Variants in RAD50 observed in about 807,000 individuals in gnomAD.
RAD50 encodes RAD50 double strand break repair protein.
RAD50 carries 132 observed loss-of-function variants against 168.8 expected under a neutral mutation model. The observed-to-expected ratio is 0.78, with a 90% confidence interval of 0.68 to 0.90. The LOEUF (loss-of-function observed/expected upper bound fraction) is 0.90. Ranked by LOEUF, RAD50 falls within the 40% of genes least tolerant of loss-of-function variation. The pLI, the probability that RAD50 is intolerant of heterozygous loss-of-function variation, is 0.00. For synonymous variants in RAD50, 525 were observed against 497.4 expected (o/e 1.06, Z -0.74); for missense variants, 1,347 against 1,534.4 (o/e 0.88, Z 2.04).
chr5:132,619,836 C>CTCTCTCTCTCTA (rs1257882764), intron 21 of RAD50, among the ~76,000 whole-genome samples: 6 of 114,412 alleles, frequency 5.2e-5, no homozygotes, highest in African/African-American at 2.4e-4. Context: ...CTCTCTCTCT[C>CTCTCTCTCTCTA]TATATATATA....
At chr5:132,631,463 C>T (rs768271177) in intron 21 of RAD50, among the ~76,000 whole-genome samples, 4 of 152,076 alleles carry the variant, frequency 2.6e-5, no homozygotes, top group Admixed American at 6.6e-5. Context: ...CATACTACTT[C>T]GCATGAGTTA....
At chr5:132,571,229 C>G (rs552969189) in intron 2 of RAD50, among the ~76,000 whole-genome samples, 2 of 152,064 alleles carry the variant, frequency 1.3e-5, no homozygotes, top group Admixed American at 1.3e-4. Context: ...GACACAGAGA[C>G]ACAAAGTGAG....
intron 15 of RAD50, 120 bp from the exon 16 acceptor site, chr5:132,604,686 G>T (rs1157658235): frequency 4.7e-6 from 4 of 843,812 alleles, no homozygotes; most frequent in Middle Eastern, 3.4e-4. Context: ...TGTTGCAGTG[G>T]GTGGGGCCCA....
At chr5:132,588,639 T>A in intron 7 of RAD50, 48 bp from the exon 8 acceptor site, 2 of 1,542,600 alleles carry the variant, frequency 1.3e-6, no homozygotes, top group Non-Finnish European at 1.8e-6. Context: ...TATCTCAACT[T>A]TTTAAGCACC....
At chr5:132,602,405 A>G (rs1261877840) in intron 13 of RAD50, among the ~76,000 whole-genome samples, 1 of 152,122 alleles carries the variant, frequency 6.6e-6, no homozygotes, top group African/African-American at 2.4e-5. Context: ...TTATTGTTTC[A>G]GAGGCATCAG....
chr5:132,629,959 C>G (rs1015670319), intron 21 of RAD50, among the ~76,000 whole-genome samples: 3 of 152,090 alleles, frequency 2.0e-5, no homozygotes, highest in Non-Finnish European at 4.4e-5. Flanking sequence ...GAATATATCA[C>G]TCAAGATATG....
intron 21 of RAD50, among the ~76,000 whole-genome samples, chr5:132,633,556 A>AT (rs1273908121): frequency 6.7e-6 from 1 of 150,316 alleles, no homozygotes; most frequent in South Asian, 2.1e-4. Context: ...TGATTGTTTT[A>AT]TTTTACCTTA....
At chr5:132,560,944 C>T (rs921718445) in intron 2 of RAD50, among the ~76,000 whole-genome samples, 2 of 152,156 alleles carry the variant, frequency 1.3e-5, no homozygotes, top group African/African-American at 4.8e-5. Flanking sequence ...CCATTTTTCC[C>T]TCAATCTACT....
intron 19 of RAD50, among the ~76,000 whole-genome samples, chr5:132,611,480 C>T (rs1751084959): frequency 6.6e-6 from 1 of 151,846 alleles, no homozygotes; most frequent in South Asian, 2.1e-4. Context: ...CCAAGGCGGG[C>T]AGATCACGAG....
chr5:132,557,191 G>T lies in RAD50; in HGVS notation c.-134G>T. The T allele has an allele frequency of 8.0e-7, 1 of 1,253,756 alleles. No individual in the cohort carries two copies. Among genetic ancestry groups the T allele is most frequent in the Non-Finnish European group, 1.2e-6 (1 of 865,856 alleles). The allele number at this position is 1,253,756 out of a possible 1,614,324, so 77.7% of individuals were successfully genotyped here. ...GCTGGCAGGATCTTTTGGCAGTCCT[G>T]TGGCCTCGCTCCCCGCCCGGATCCT... On this transcript the variant is annotated 5_prime_UTR_variant, in exon 1 of 25. Transcript: ENST00000378823.
In RAD50 at chr5:132,608,802, T is replaced by C. The variant is rs1352327565; in HGVS notation, c.2829+77T>C. The C allele has an allele frequency of 1.7e-5, 26 of 1,504,040 alleles. No individual in the cohort carries two copies. The Admixed American group carries it at 2.8e-4, about 16-fold the overall frequency. The allele number at this position is 1,504,040 out of a possible 1,614,324, so 93.2% of individuals were successfully genotyped here. A position where few individuals can be genotyped will look rare whatever the true frequency, so the allele number is the denominator to read the frequency against. ...TTCATAGCACCACGTCGGACACTTA[T>C]TTCACATGAAATTAAATAGCATAAG... On this transcript the variant is annotated intron_variant, in intron 17 of 24. Transcript: ENST00000378823.
intron 3 of RAD50, 150 bp downstream of exon 3, chr5:132,576,078 T>G (rs1750395794): frequency 3.6e-6 from 3 of 832,462 alleles, no homozygotes; most frequent in Non-Finnish European, 3.5e-6. Context: ...AGTTTTGGGT[T>G]TATAGCAAAA....
intron 19 of RAD50, among the ~76,000 whole-genome samples, chr5:132,613,919 A>G (rs1242830581): frequency 6.6e-6 from 1 of 152,124 alleles, no homozygotes; most frequent in African/African-American, 2.4e-5. Flanking sequence ...TTTATGATAG[A>G]TAGTATCATT....
At position 132,642,679 on chromosome 5, in the gene RAD50, A is replaced by G. The variant is rs1751755852; in HGVS notation, c.*315A>G. On this transcript the variant is annotated 3_prime_UTR_variant, in exon 25 of 25. Transcript: ENST00000378823. The stretch of plus-strand genomic sequence containing the variant: ...AGTGCAAATGCATGCTTCTTCTCAA[A>G]GCACTGTTGAGAAGGAGATAATTAC... The G allele has an allele frequency of 2.2e-6, 1 of 447,174 alleles. No individual in the cohort carries two copies. Among genetic ancestry groups the G allele is most frequent in the East Asian group, 3.9e-5 (1 of 25,606 alleles). The allele number at this position is 447,174 out of a possible 1,614,324, so 27.7% of individuals were successfully genotyped here. A position where few individuals can be genotyped will look rare whatever the true frequency, so the allele number is the denominator to read the frequency against.
chr5:132,596,308 C>T (rs1157487896), intron 13 of RAD50, among the ~76,000 whole-genome samples: 1 of 152,154 alleles, frequency 6.6e-6, no homozygotes, highest in Non-Finnish European at 1.5e-5. Flanking sequence ...AAGCTTATTT[C>T]TTAAACTATG....
chr5:132,557,481 TA>T, intron 1 of RAD50, 28 bp downstream of exon 1: 1 of 1,613,588 alleles, frequency 6.2e-7, no homozygotes. Flanking sequence ...GCCTTCAGTT[TA>T]CAGGTCGCTA....
chr5:132,568,478 A>G (rs773846589), intron 2 of RAD50, among the ~76,000 whole-genome samples: 2 of 152,220 alleles, frequency 1.3e-5, no homozygotes, highest in Non-Finnish European at 2.9e-5. Context: ...AATAAAAACT[A>G]TAAAAAAAGA....
At chr5:132,583,806 A>AC (rs1233525647) in intron 5 of RAD50, among the ~76,000 whole-genome samples, 5 of 148,088 alleles carry the variant, frequency 3.4e-5, no homozygotes, top group African/African-American at 1.2e-4. Flanking sequence ...CAATTCTCCT[A>AC]CCTCAGCCTC....
Position 132,619,903 on chromosome 5 carries a change from G to T in RAD50, c.3389+1609G>T, listed in dbSNP as rs28598572. ...ATATATATAGAGAGAGAGAGAGAGAGATATATCTTTTTTTTTTTTGAGACG... is the reference window on the plus strand; with the variant it reads ...ATATATATAGAGAGAGAGAGAGAGATATATATCTTTTTTTTTTTTGAGACG... On this transcript the variant is annotated intron_variant, in intron 21 of 24. Coordinates refer to ENST00000378823, the MANE Select transcript of RAD50 (RefSeq NM_005732.4). 8.3e-3 allele frequency among the ~76,000 whole-genome samples: 1,122 copies of T among 134,956 alleles called. 10 individuals are homozygous for T. The highest frequency in any genetic ancestry group is 0.018 in the East Asian group (87 of 4,860). 88.5% of individuals were successfully genotyped at this position (134,956 alleles called of 152,430 possible). A position where few individuals can be genotyped will look rare whatever the true frequency, so the allele number is the denominator to read the frequency against.
Sources: allele counts gnomAD v4.1 joint callset (sites outside exome capture counted in the v4.1 genomes callset), GRCh38; gene constraint gnomAD v4.1.1; transcripts MANE v1.5; gene names NCBI Gene and HGNC (gene_info 2026-07-23, HGNC 2026-07-21).